Variants in ARHGEF19 observed in about 807,000 individuals in gnomAD.
ARHGEF19 encodes Rho guanine nucleotide exchange factor 19, also known as Rho guanine nucleotide exchange factor (GEF) 19.
Under a neutral mutation model 87.6 loss-of-function variants are expected in ARHGEF19, and 92 were observed. That is an observed-to-expected ratio of 1.05 (90% CI 0.89 to 1.25). The LOEUF is 1.25. ARHGEF19 is among the 50% of genes most tolerant of loss of function. The pLI, the probability that ARHGEF19 is intolerant of heterozygous loss-of-function variation, is 0.00. For missense variants in ARHGEF19, 1,054 were observed against 1,051.8 expected (o/e 1.00, Z -0.03); for synonymous variants, 438 against 446.2 (o/e 0.98, Z 0.23).
chr1:16,207,087 G>T lies in ARHGEF19; in HGVS notation c.998C>A (p.Ala333Asp). The change falls in exon 6 of 16, where the codon GCC becomes GAC. Residue 333 changes from alanine to aspartate, a missense_variant. Physicochemically the swap from Ala to Asp is moderately radical, Grantham distance 126. Transcript: ENST00000270747. The surrounding 1 kb of genome is among the most constrained non-coding windows in gnomAD (Gnocchi z 4.0). ...GAAGGAGCTGCTGGGGGAGAGGTTG[G>T]CCCGCGGCGGCCCCGGCCCCTCCTC... ...GAEEGPGPPRANLSPSSSFRA... is the reference protein window; with the variant it reads ...GAEEGPGPPRDNLSPSSSFRA... 6.6e-7 allele frequency: 1 copy of T among 1,506,768 alleles called. No homozygotes were observed. The highest frequency in any genetic ancestry group is 1.8e-4 in the Middle Eastern group (1 of 5,506). The allele number at this position is 1,506,768 out of a possible 1,614,324, so 93.3% of individuals were successfully genotyped here. A position where few individuals can be genotyped will look rare whatever the true frequency, so the allele number is the denominator to read the frequency against.
In ARHGEF19 at chr1:16,207,078, G is replaced by A. The variant is rs1441136938; in HGVS notation, c.1007C>T (p.Ser336Phe). ...CTGCGCCCGGAAGGAGCTGCTGGGG[G>A]AGAGGTTGGCCCGCGGCGGCCCCGG... The part of the protein sequence containing the change: ...EGPGPPRANL[S>F]PSSSFRAQRS... Residue 336 changes from serine (S) to phenylalanine (F), a missense_variant, in exon 6 of 16, where the codon TCC (serine) becomes TTC (phenylalanine). Physicochemically the swap from Ser to Phe is radical, Grantham distance 155. Transcript: ENST00000270747. The surrounding 1 kb of genome is among the most constrained non-coding windows in gnomAD (Gnocchi z 4.0). 6 of 1,509,430 alleles carry A rather than the reference G, an allele frequency of 4.0e-6. No homozygotes were observed. The highest frequency in any genetic ancestry group is 1.5e-5 in the African/African-American group (1 of 68,664). The allele number at this position is 1,509,430 out of a possible 1,614,324, so 93.5% of individuals were successfully genotyped here.
chr1:16,206,388 C>T lies in ARHGEF19; in HGVS notation c.1138-48G>A, dbSNP rs1369820529. On this transcript the variant is annotated intron_variant, in intron 6 of 15. Transcript: ENST00000270747. The surrounding 1 kb of genome is among the most constrained non-coding windows in gnomAD (Gnocchi z 4.6). ...TCGAAAGGGCAGGACCAGTTCACCT[C>T]GGAGGCCCTGGCCTCACATCCCCAG... 3.9e-6 allele frequency: 6 copies of T among 1,553,980 alleles called. No individual in the cohort carries two copies. Among genetic ancestry groups the T allele is most frequent in the African/African-American group, 1.4e-5 (1 of 73,718 alleles).
chr1:16,206,950 C>CCA lies in ARHGEF19; in HGVS notation c.1134_1135insTG (p.Glu379TrpfsTer7). On this transcript the variant is annotated frameshift_variant, in exon 6 of 16. Coordinates refer to ENST00000270747, the MANE Select transcript of ARHGEF19 (RefSeq NM_153213.5). LOFTEE classifies it high-confidence loss of function. The surrounding 1 kb of genome is among the most constrained non-coding windows in gnomAD (Gnocchi z 4.6). ...GCCGGGTCCCCGCGCGCGCCCACCT[C>CCA]CTGCAGCTTGCAGTCCCGCAGGCTC... The CCA allele has an allele frequency of 6.7e-7, 1 of 1,489,294 alleles. No individual in the cohort carries two copies. The highest frequency in any genetic ancestry group is 8.9e-7 in the Non-Finnish European group (1 of 1,126,938). 92.3% of individuals were successfully genotyped at this position (1,489,294 alleles called of 1,614,324 possible).
chr1:16,204,635 G>T (rs2081108484), intron 12 of ARHGEF19, 124 bp downstream of exon 12: 11 of 1,201,506 alleles, frequency 9.2e-6, no homozygotes, highest in Admixed American at 3.0e-5. Context: ...GGGTGCCCTG[G>T]CAGCATACCC....
chr1:16,201,121 C>A (rs1451763422), intron 14 of ARHGEF19, among the ~76,000 whole-genome samples: 2 of 152,132 alleles, frequency 1.3e-5, no homozygotes, highest in South Asian at 4.1e-4. Context: ...ACTCAAAAGG[C>A]TAAGGCAGGA....
At position 16,208,922 on chromosome 1, in the gene ARHGEF19, G is replaced by C. The variant is rs146778002; in HGVS notation, c.133C>G (p.Pro45Ala). The change falls in exon 2 of 16, where the codon CCA becomes GCA. Residue 45 changes from proline (P) to alanine (A), a missense_variant. By Grantham distance (27) the Pro-to-Ala change is conservative. Coordinates refer to ENST00000270747, the MANE Select transcript of ARHGEF19 (RefSeq NM_153213.5). Reference sequence around the variant, plus strand: ...ACAGGGAAAAGGTCCAGACACACTGGGCTCGGGGGCTTCAGGGCGGGCAGC... The same window carrying C: ...ACAGGGAAAAGGTCCAGACACACTGCGCTCGGGGGCTTCAGGGCGGGCAGC... ...AELPALKPPS[P>A]VCLDLFPVAP... The C allele has an allele frequency of 5.0e-5, 80 of 1,587,082 alleles. No homozygotes were observed. Among genetic ancestry groups the C allele is most frequent in the Non-Finnish European group, 6.5e-5 (76 of 1,168,110 alleles).
rs531517624 is a variant in ARHGEF19, at chr1:16,205,737, C to T, written c.1452-70G>A. The T allele has an allele frequency of 2.0e-6, 3 of 1,533,398 alleles. No homozygotes were observed. In the African/African-American group the frequency reaches 4.2e-5, roughly 21 times the overall value. 95.0% of individuals were successfully genotyped at this position (1,533,398 alleles called of 1,614,324 possible). A position where few individuals can be genotyped will look rare whatever the true frequency, so the allele number is the denominator to read the frequency against. ...CCTGGGATCCACAACCCTGGCCATC[C>T]ACGGGGTCCTCAGGGGGCTTCTCAG... On this transcript the variant is annotated intron_variant, in intron 8 of 15. Transcript: ENST00000270747. This position sits in a 1 kb window ranked among gnomAD's most constrained non-coding sequence, Gnocchi z 5.8.
chr1:16,199,296 T>TGGCA (rs764248929), intron 14 of ARHGEF19, 42 bp from the exon 15 acceptor site: 24 of 1,577,698 alleles, frequency 1.5e-5, no homozygotes, highest in African/African-American at 8.1e-5. Context: ...AAGGGCAGGA[T>TGGCA]GGCAGGGGGA....
chr1:16,202,855 T>C (rs2081095122), intron 12 of ARHGEF19, among the ~76,000 whole-genome samples: 1 of 151,980 alleles, frequency 6.6e-6, no homozygotes, highest in Non-Finnish European at 1.5e-5. Context: ...TTTTGTTTTT[T>C]TATTTGTTAG....
In ARHGEF19 at chr1:16,206,563, C is replaced by A; in HGVS notation, c.1138-223G>T. 1 of 571,754 alleles carries A rather than the reference C, an allele frequency of 1.7e-6. No homozygotes were observed. Among genetic ancestry groups the A allele is most frequent in the Non-Finnish European group, 3.1e-6 (1 of 321,416 alleles). The allele number at this position is 571,754 out of a possible 1,614,324, so 35.4% of individuals were successfully genotyped here. On this transcript the variant is annotated intron_variant, in intron 6 of 15. Coordinates refer to ENST00000270747, the MANE Select transcript of ARHGEF19 (RefSeq NM_153213.5). This position sits in a 1 kb window ranked among gnomAD's most constrained non-coding sequence, Gnocchi z 4.6. ...CCCGCCCCTCTCCTAAGCCCCGCCCCGACGCGTTCTTCCCAGAGCCCCGCC... is the reference window on the plus strand; with the variant it reads ...CCCGCCCCTCTCCTAAGCCCCGCCCAGACGCGTTCTTCCCAGAGCCCCGCC...
rs1172996441 is a variant in ARHGEF19, at chr1:16,207,577, C to A, written c.819G>T (p.Pro273=). 1.2e-6 allele frequency: 2 copies of A among 1,613,886 alleles called. No homozygotes were observed. The highest frequency in any genetic ancestry group is 1.7e-6 in the Non-Finnish European group (2 of 1,180,014). Residue 273 remains proline, a synonymous_variant, in exon 5 of 16, where the codon CCG becomes CCT. Transcript: ENST00000270747. This position sits in a 1 kb window ranked among gnomAD's most constrained non-coding sequence, Gnocchi z 4.0. ...CGTTGGTGCTCCTGGACCCCAAAGG[C>A]GGCTCTTCCTGTGTGTCTAGCCTAG... ...SEPRLDTQEE[P]PLGSRSTNER... is the part of the protein sequence containing the mutation.
chr1:16,210,050 A>G (rs1451924557), intron 1 of ARHGEF19, among the ~76,000 whole-genome samples: 1 of 152,232 alleles, frequency 6.6e-6, no homozygotes, highest in Non-Finnish European at 1.5e-5. Context: ...CAGCCCTCCG[A>G]TCGGGGCAGG....
intron 14 of ARHGEF19, among the ~76,000 whole-genome samples, chr1:16,200,617 G>A (rs1052884676): frequency 7.2e-5 from 11 of 152,146 alleles, no homozygotes; most frequent in Non-Finnish European, 1.6e-4. Flanking sequence ...GGTGGCAGGC[G>A]CCTATAATCC....
chr1:16,201,269 G>A (rs2081081334), intron 14 of ARHGEF19, among the ~76,000 whole-genome samples: 2 of 152,254 alleles, frequency 1.3e-5, no homozygotes, highest in South Asian at 2.1e-4. Flanking sequence ...GACACTATAG[G>A]AAGGCTCTCT....
At position 16,208,984 on chromosome 1, in the gene ARHGEF19, A is replaced by G. The variant is rs1212822690; in HGVS notation, c.71T>C (p.Val24Ala). 32 of 1,539,412 alleles carry G rather than the reference A, an allele frequency of 2.1e-5. No individual in the cohort carries two copies. The highest frequency in any genetic ancestry group is 8.6e-5 in the Admixed American group (4 of 46,274). ...TGPPGTAHHP[V>A]AVCQQESLSF... ...CAGACTCTCCTGCTGGCACACTGCT[A>G]CAGGGTGGTGGGCAGTGCCAGGTGG... The change falls in exon 2 of 16, where the codon GTA becomes GCA. Residue 24 changes from valine to alanine, a missense_variant. Val to Ala is a moderately conservative substitution (Grantham distance 64, BLOSUM62 0). Coordinates refer to ENST00000270747, the MANE Select transcript of ARHGEF19 (RefSeq NM_153213.5).
At position 16,208,688 on chromosome 1, in the gene ARHGEF19, G is replaced by C. The variant is rs754105424; in HGVS notation, c.367C>G (p.Gln123Glu). 10 of 1,608,022 alleles carry C rather than the reference G, an allele frequency of 6.2e-6. No individual in the cohort carries two copies. In the Admixed American group the frequency reaches 1.7e-4, roughly 28 times the overall value. The part of the protein sequence containing the change: ...LEGPWSPRHT[Q>E]PQRRASHGSE... ...CCGTGGCTGGCCCGGCGCTGTGGCT[G>C]TGTGTGTCGGGGACTCCAGGGTCCC... Residue 123 changes from glutamine (Q) to glutamate (E), a missense_variant, in exon 2 of 16, where the codon CAG (glutamine) becomes GAG (glutamate). By Grantham distance (29) the Gln-to-Glu change is conservative. Transcript: ENST00000270747.
rs1212656560 is a variant in ARHGEF19 at position 16,206,199 on chromosome 1, C to T, written c.1279G>A (p.Val427Ile). 2.5e-6 allele frequency: 4 copies of T among 1,598,348 alleles called. No individual in the cohort carries two copies. In the African/African-American group the frequency reaches 5.4e-5, roughly 21 times the overall value. ...CTTCACCTCTCGCTGGTGCTCTTGA[C>T]CTCGGGCAGTTTGGAAAACAGCCAC... ...KQWLFSKLPE[V>I]KSTSERFLQD... Residue 427 changes from valine to isoleucine, a missense_variant, in exon 7 of 16, where the codon GTC becomes ATC. Physicochemically the swap from Val to Ile is conservative, Grantham distance 29 (BLOSUM62 3). Transcript: ENST00000270747. The surrounding 1 kb of genome is among the most constrained non-coding windows in gnomAD (Gnocchi z 4.6).
chr1:16,206,251 G>T lies in ARHGEF19; in HGVS notation c.1227C>A (p.Ser409Arg). The stretch of plus-strand genomic sequence containing the variant: ...GCTTGTCCTGCGCCCCCAGACACTC[G>T]CTCAGCTCGGCAGAGCCTAAGAAGT... ...VGHFLGSAEL[S>R]ECLGAQDKQW... is the part of the protein sequence containing the mutation. Residue 409 changes from serine (S) to arginine (R), a missense_variant, in exon 7 of 16, where the codon AGC (serine) becomes AGA (arginine). By Grantham distance (110) the Ser-to-Arg change is moderately radical. Transcript: ENST00000270747. The surrounding 1 kb of genome is among the most constrained non-coding windows in gnomAD (Gnocchi z 4.6). 6.3e-7 allele frequency: 1 copy of T among 1,592,996 alleles called. No individual in the cohort carries two copies. Among genetic ancestry groups the T allele is most frequent in the Non-Finnish European group, 8.5e-7 (1 of 1,170,062 alleles).
At chr1:16,209,624 T>C (rs760221378) in intron 1 of ARHGEF19, among the ~76,000 whole-genome samples, 2 of 152,096 alleles carry the variant, frequency 1.3e-5, no homozygotes, top group Non-Finnish European at 2.9e-5. Flanking sequence ...ACACACACAT[T>C]TTTACACAAC....
Sources: allele counts gnomAD v4.1 joint callset (sites outside exome capture counted in the v4.1 genomes callset), GRCh38; gene constraint gnomAD v4.1.1; non-coding constraint Gnocchi (gnomAD v3.1); transcripts MANE v1.5; gene names NCBI Gene and HGNC (gene_info 2026-07-23, HGNC 2026-07-21).